The following THADA variants were observed in gnomAD, a reference collection of about 807,000 sequenced individuals.
THADA encodes the protein tRNA (32-2'-O)-methyltransferase regulator THADA.
A neutral mutation model predicts 219.8 loss-of-function variants in THADA; 213 were observed. That is an observed-to-expected ratio of 0.97 (90% CI 0.87 to 1.09). THADA has a LOEUF of 1.09. THADA is among the 50% of genes least tolerant of loss of function. THADA has a pLI of 0.00. For synonymous variants in THADA, 1,018 were observed against 828.9 expected (o/e 1.23, Z -3.92); for missense variants, 2,956 against 2,311.3 (o/e 1.28, Z -5.72).
chr2:43,510,477 T>C (rs555036582), intron 22 of THADA, among the ~76,000 whole-genome samples: 1 of 152,296 alleles, frequency 6.6e-6, no homozygotes, highest in Non-Finnish European at 1.5e-5. Context: ...CTAGATTTTA[T>C]ATCTTTTTAA....
At chr2:43,543,646 T>C (rs1200274308) in intron 20 of THADA, among the ~76,000 whole-genome samples, 2 of 152,368 alleles carry the variant, frequency 1.3e-5, no homozygotes, top group African/African-American at 4.8e-5. Context: ...CATTTTTTCA[T>C]GTGTTTTCTG....
intron 22 of THADA, 95 bp downstream of exon 22, chr2:43,527,784 T>G: frequency 1.2e-6 from 1 of 865,222 alleles, no homozygotes; most frequent in South Asian, 1.8e-5. Context: ...GTCTTATTCT[T>G]TTAAACTTCA....
chr2:43,395,496 C>T (rs765782414), intron 29 of THADA, among the ~76,000 whole-genome samples: 2 of 152,170 alleles, frequency 1.3e-5, no homozygotes, highest in Admixed American at 6.5e-5. Context: ...AAAGAAACCA[C>T]CTAAGACCCA....
At chr2:43,360,759 G>A (rs1261405147) in intron 29 of THADA, among the ~76,000 whole-genome samples, 2 of 152,214 alleles carry the variant, frequency 1.3e-5, no homozygotes, top group East Asian at 3.8e-4. Flanking sequence ...AGGCTATGAG[G>A]ATCGTTTGGG....
intron 26 of THADA, among the ~76,000 whole-genome samples, chr2:43,476,601 G>A (rs572033124): frequency 2.6e-5 from 4 of 152,120 alleles, no homozygotes; most frequent in South Asian, 2.1e-4. Context: ...GTTAACAGAC[G>A]GTGCTATTAC....
At position 43,571,873 on chromosome 2, in the gene THADA, T is replaced by C; in HGVS notation, c.1909-11A>G. ...TGTATCTATCCTTACCTAAAAAACA[T>C]CAAGCAATAAAATGTTAATTTTCCA... On this transcript the variant is annotated splice_polypyrimidine_tract_variant and intron_variant, in intron 12 of 37. Transcript: ENST00000405975. 1.2e-6 allele frequency: 2 copies of C among 1,610,472 alleles called. No individual in the cohort carries two copies. Among genetic ancestry groups the C allele is most frequent in the Non-Finnish European group, 1.7e-6 (2 of 1,178,442 alleles).
chr2:43,286,906 A>G lies in THADA; in HGVS notation c.5164+2T>C. Reference sequence around the variant, plus strand: ...AACAGACTTCCGTCTCGGCGCACTTACCAAGAATAGGATGGGGGTTGGTGA... The same window carrying G: ...AACAGACTTCCGTCTCGGCGCACTTGCCAAGAATAGGATGGGGGTTGGTGA... On this transcript the variant is annotated splice_donor_variant, in intron 35 of 37. Transcript: ENST00000405975. LOFTEE classifies it high-confidence loss of function. The G allele has an allele frequency of 6.2e-7, 1 of 1,609,446 alleles. No individual in the cohort carries two copies. The highest frequency in any genetic ancestry group is 8.5e-7 in the Non-Finnish European group (1 of 1,176,046).
chr2:43,326,741 G>C (rs1297825182), intron 30 of THADA, among the ~76,000 whole-genome samples: 2 of 152,142 alleles, frequency 1.3e-5, no homozygotes, highest in East Asian at 1.9e-4. Context: ...ACCCCAGTGG[G>C]ATCCCATAAG....
At chr2:43,594,864 A>T (rs1175618600) in intron 1 of THADA, among the ~76,000 whole-genome samples, 1 of 152,172 alleles carries the variant, frequency 6.6e-6, no homozygotes, top group Non-Finnish European at 1.5e-5. Context: ...GCCTTCCATG[A>T]CCACTCTATC....
intron 20 of THADA, among the ~76,000 whole-genome samples, chr2:43,545,763 T>C (rs1695945879): frequency 6.6e-6 from 1 of 152,034 alleles, no homozygotes; most frequent in Non-Finnish European, 1.5e-5. Flanking sequence ...TTCTTCTCTC[T>C]TTTCTTCTTT....
At chr2:43,358,387 TCTC>T (rs201587546) in intron 29 of THADA, among the ~76,000 whole-genome samples, 2,198 of 151,782 alleles carry the variant, frequency 0.014, 25 homozygotes, top group South Asian at 0.048. Flanking sequence ...TCCTCTCTGG[TCTC>T]CTCCTTTGAC....
Position 43,374,415 on chromosome 2 carries a change from G to C in THADA, c.4227+23556C>G, listed in dbSNP as rs529362087. Among the ~76,000 whole-genome samples the C allele has an allele frequency of 4.6e-5, 7 of 152,238 alleles. No homozygotes were observed. In the South Asian group the frequency reaches 1.5e-3, roughly 32 times the overall value. ...TATTCACTTTCTAGAACCGTTATGAGGATTCAATCAGCAAATATATGTAAG... is the reference window on the plus strand; with the variant it reads ...TATTCACTTTCTAGAACCGTTATGACGATTCAATCAGCAAATATATGTAAG... On this transcript the variant is annotated intron_variant, in intron 29 of 37. Coordinates refer to ENST00000405975, the MANE Select transcript of THADA (RefSeq NM_022065.5).
intron 26 of THADA, among the ~76,000 whole-genome samples, chr2:43,479,425 G>T (rs1410956392): frequency 6.6e-6 from 1 of 151,872 alleles, no homozygotes; most frequent in African/African-American, 2.4e-5. Context: ...TCCTCTCAAA[G>T]ATAAAAACAA....
intron 19 of THADA, 122 bp from the exon 20 acceptor site, chr2:43,549,490 G>A: frequency 1.1e-6 from 1 of 946,608 alleles, no homozygotes; most frequent in Admixed American, 3.4e-5. Flanking sequence ...TTATTAGAAG[G>A]GACTCACAAG....
intron 21 of THADA, among the ~76,000 whole-genome samples, chr2:43,536,904 C>A (rs1694685329): frequency 6.6e-6 from 1 of 152,048 alleles, no homozygotes; most frequent in Non-Finnish European, 1.5e-5. Context: ...TATCAGAGTA[C>A]CTGGCAAAGA....
intron 31 of THADA, among the ~76,000 whole-genome samples, chr2:43,305,468 T>TAC (rs1433826676): frequency 1.3e-5 from 2 of 152,172 alleles, no homozygotes; most frequent in Non-Finnish European, 2.9e-5. Flanking sequence ...CATCTCTGCT[T>TAC]ACACAGGTGT....
chr2:43,591,855 C>A, intron 3 of THADA, 97 bp downstream of exon 3: 7 of 697,060 alleles, frequency 1.0e-5, no homozygotes, highest in South Asian at 3.7e-5. Flanking sequence ...AACTGATATG[C>A]AATAATTAGG....
chr2:43,314,953 CATT>C (rs1434780536), intron 31 of THADA, among the ~76,000 whole-genome samples: 8 of 152,210 alleles, frequency 5.3e-5, no homozygotes, highest in Non-Finnish European at 1.0e-4. Flanking sequence ...TAAAACACAT[CATT>C]ATCTTAAGCT....
At chr2:43,350,081 T>G (rs895277015) in intron 29 of THADA, among the ~76,000 whole-genome samples, 2 of 152,224 alleles carry the variant, frequency 1.3e-5, no homozygotes, top group Non-Finnish European at 2.9e-5. Context: ...TATAGGGTGA[T>G]GTCAGGCCCC....
Sources: gnomAD v4.1 joint callset for allele counts (sites outside exome capture counted in the v4.1 genomes callset) on GRCh38, gnomAD v4.1.1 for gene constraint, MANE v1.5 for transcripts, NCBI Gene and HGNC (gene_info 2026-07-23, HGNC 2026-07-21) for gene names.